RORA: variants seen among roughly 807,000 people sequenced by gnomAD.
The protein encoded by RORA is nuclear receptor ROR-alpha.
RORA carries 7 observed loss-of-function variants against 69.5 expected under a neutral mutation model. That is an observed-to-expected ratio of 0.10 (90% CI 0.06 to 0.19). The LOEUF is 0.19. RORA is among the 10% of genes least tolerant of loss of function. RORA has a pLI of 1.00. For synonymous variants in RORA, 261 were observed against 240.8 expected (o/e 1.08, Z -0.78); for missense variants, 457 against 663.0 (o/e 0.69, Z 3.41).
At chr15:61,167,822 T>A (rs925908282) in intron 1 of RORA, among the ~76,000 whole-genome samples, 1 of 152,104 alleles carries the variant, frequency 6.6e-6, no homozygotes, top group African/African-American at 2.4e-5. Flanking sequence ...TCCAAGGTGG[T>A]CCCACCCCAC....
chr15:60,950,043 G>A (rs1167178580), intron 1 of RORA, among the ~76,000 whole-genome samples: 1 of 151,696 alleles, frequency 6.6e-6, no homozygotes, highest in Non-Finnish European at 1.5e-5. Flanking sequence ...AGAGAGAAAG[G>A]TCGGGTTACC....
At chr15:60,985,328 G>A (rs975870690) in intron 1 of RORA, among the ~76,000 whole-genome samples, 2 of 152,066 alleles carry the variant, frequency 1.3e-5, no homozygotes, top group African/African-American at 2.4e-5. Context: ...AGGAGAAAGC[G>A]TAAATTAAAT....
chr15:61,141,214 G>A (rs2079294992), intron 1 of RORA, among the ~76,000 whole-genome samples: 3 of 152,164 alleles, frequency 2.0e-5, no homozygotes, highest in Admixed American at 1.3e-4. Flanking sequence ...TGGGGTTAAT[G>A]CAATATCCCA....
At chr15:60,669,560 C>T (rs1424152662) in intron 2 of RORA, among the ~76,000 whole-genome samples, 1 of 152,060 alleles carries the variant, frequency 6.6e-6, no homozygotes, top group African/African-American at 2.4e-5. Flanking sequence ...TCTGTGGCTC[C>T]ACATTGGTTA....
chr15:61,100,452 T>C (rs779293192), intron 1 of RORA, among the ~76,000 whole-genome samples: 2 of 152,092 alleles, frequency 1.3e-5, no homozygotes, highest in African/African-American at 4.8e-5. Flanking sequence ...TTCTCCTAAT[T>C]TATCAGAGCA....
chr15:60,873,601 T>C (rs1267375567), intron 1 of RORA, among the ~76,000 whole-genome samples: 1 of 152,182 alleles, frequency 6.6e-6, no homozygotes, highest in Admixed American at 6.5e-5. Context: ...AAGTACCAGA[T>C]AATGAAAGAA....
At chr15:61,008,742 A>G (rs1275001981) in intron 1 of RORA, among the ~76,000 whole-genome samples, 3 of 152,246 alleles carry the variant, frequency 2.0e-5, no homozygotes, top group South Asian at 4.1e-4. Context: ...AAAATCCACA[A>G]CTGAGTACAC....
chr15:60,832,834 A>AT (rs942730303), intron 1 of RORA, among the ~76,000 whole-genome samples: 58 of 152,156 alleles, frequency 3.8e-4, no homozygotes, highest in African/African-American at 1.3e-3. Flanking sequence ...TGCTGTTACC[A>AT]TGCCTACACT....
intron 2 of RORA, among the ~76,000 whole-genome samples, chr15:60,635,024 A>G (rs970285932): frequency 8.5e-5 from 13 of 152,148 alleles, no homozygotes; most frequent in Admixed American, 7.9e-4. Flanking sequence ...TTTGCCTCCT[A>G]CACAAGAAGT....
At chr15:60,980,366 T>G (rs1324494231) in intron 1 of RORA, among the ~76,000 whole-genome samples, 3 of 152,132 alleles carry the variant, frequency 2.0e-5, no homozygotes, top group Non-Finnish European at 4.4e-5. Flanking sequence ...CTTTTTCTGG[T>G]TTAAGTATCA....
Position 60,797,629 on chromosome 15 carries a change from C to T in RORA, c.167-118943G>A, listed in dbSNP as rs143979905. ...ACTGAATGAGTTATGTAAGACTTCT[C>T]GCACTCTGCTTATGAGATATTAACT... On this transcript the variant is annotated intron_variant, in intron 1 of 10. Coordinates refer to ENST00000335670, the MANE Select transcript of RORA (RefSeq NM_134261.3). 3.9e-3 allele frequency among the ~76,000 whole-genome samples: 596 copies of T among 152,256 alleles called. 15 individuals carry two copies. The East Asian group carries it at 0.042, about 11-fold the overall frequency.
intron 1 of RORA, among the ~76,000 whole-genome samples, chr15:61,000,586 T>C (rs984049110): frequency 6.6e-6 from 1 of 152,058 alleles, no homozygotes; most frequent in Non-Finnish European, 1.5e-5. Context: ...GTGCAGAGGA[T>C]TGAACCAGAG....
intron 1 of RORA, among the ~76,000 whole-genome samples, chr15:61,124,840 C>T (rs2079130483): frequency 6.6e-6 from 1 of 152,226 alleles, no homozygotes. Flanking sequence ...TGATTGCTAA[C>T]CTTCCACTCT....
At chr15:60,549,165 T>C (rs1236578879) in intron 2 of RORA, among the ~76,000 whole-genome samples, 1 of 152,198 alleles carries the variant, frequency 6.6e-6, no homozygotes, top group East Asian at 1.9e-4. Context: ...AAACAAGGAA[T>C]TAAGCATGTT....
chr15:60,884,843 G>A (rs960750782), intron 1 of RORA, among the ~76,000 whole-genome samples: 3 of 152,166 alleles, frequency 2.0e-5, no homozygotes, highest in Non-Finnish European at 2.9e-5. Context: ...AAAAGAGCAC[G>A]GGAGTCATGA....
chr15:60,991,009 T>G (rs1485960202), intron 1 of RORA, among the ~76,000 whole-genome samples: 1 of 152,222 alleles, frequency 6.6e-6, no homozygotes, highest in Non-Finnish European at 1.5e-5. Context: ...CAACTGTTTT[T>G]CAAACTAGCA....
At chr15:61,070,530 G>A (rs2078326149) in intron 1 of RORA, among the ~76,000 whole-genome samples, 1 of 152,164 alleles carries the variant, frequency 6.6e-6, no homozygotes, top group Non-Finnish European at 1.5e-5. Context: ...TGATCCTTTG[G>A]ACAGATTTTT....
intron 2 of RORA, among the ~76,000 whole-genome samples, chr15:60,661,343 G>T (rs2070301734): frequency 6.6e-6 from 1 of 152,186 alleles, no homozygotes; most frequent in Non-Finnish European, 1.5e-5. Context: ...TGGCCCAAGA[G>T]TGAGTTACAG....
rs536779118 is a variant in RORA, at chr15:60,785,905, T to A, written c.167-107219A>T. Among the ~76,000 whole-genome samples the A allele has an allele frequency of 1.1e-4, 17 of 152,376 alleles. 1 individual carries two copies. The South Asian group carries it at 3.5e-3, about 32-fold the overall frequency. ...GCTCTGTCTCCTGCAGAAGACTGTA[T>A]GCTCCGCACAACAGGGCCTGTGTCT... On this transcript the variant is annotated intron_variant, in intron 1 of 10. Transcript: ENST00000335670.
Sources: allele counts gnomAD v4.1 joint callset (sites outside exome capture counted in the v4.1 genomes callset), GRCh38; gene constraint gnomAD v4.1.1; transcripts MANE v1.5; gene names NCBI Gene and HGNC (gene_info 2026-07-23, HGNC 2026-07-21).